The following NAAA variants were observed in gnomAD, a reference collection of about 807,000 sequenced individuals.
The protein encoded by NAAA is N-acylethanolamine acid amidase, also known as N-acylethanolamine-hydrolyzing acid amidase.
Under a neutral mutation model 44.8 loss-of-function variants are expected in NAAA, and 39 were observed. The observed-to-expected ratio is 0.87, with a 90% confidence interval of 0.67 to 1.14. The LOEUF (loss-of-function observed/expected upper bound fraction) is 1.14, where lower values mean the gene tolerates loss of function less well. Ranked by LOEUF, NAAA falls within the 50% of genes most tolerant of loss-of-function variation. NAAA has a pLI of 0.00. For synonymous variants in NAAA, 178 were observed against 191.3 expected, an observed-to-expected ratio of 0.93 and a Z score of 0.58; for missense variants, 460 against 467.8, an observed-to-expected ratio of 0.98 and a Z score of 0.15.
chr4:75,916,683 A>G (rs1217030612), intron 9 of NAAA: 1 of 150,762 alleles, frequency 6.6e-6, no homozygotes, highest in Non-Finnish European at 1.5e-5. Context: ...TAAAATTATG[A>G]GGGCTGTTCA....
At chr4:75,937,833 G>A (rs1355567994) in intron 2 of NAAA, among the ~76,000 whole-genome samples, 2 of 152,236 alleles carry the variant, frequency 1.3e-5, no homozygotes, top group African/African-American at 4.8e-5. Flanking sequence ...TCAGGTCAGG[G>A]AGGGGACTGG....
intron 5 of NAAA, among the ~76,000 whole-genome samples, chr4:75,923,331 T>A: frequency 6.6e-6 from 1 of 152,102 alleles, no homozygotes; most frequent in East Asian, 1.9e-4. Context: ...ATAGTGAGGG[T>A]AGAAGAGTCC....
intron 1 of NAAA, 83 bp from the exon 2 acceptor site, chr4:75,940,248 A>T (rs1728136861): frequency 8.2e-6 from 12 of 1,465,522 alleles, no homozygotes; most frequent in Non-Finnish European, 1.0e-5. Flanking sequence ...GCGGGGCTAC[A>T]TCCTTAGGGC....
chr4:75,931,097 G>T, intron 4 of NAAA, 117 bp downstream of exon 4: 1 of 724,048 alleles, frequency 1.4e-6, no homozygotes, highest in Non-Finnish European at 2.3e-6. Flanking sequence ...CCCCTAGGAT[G>T]GAAGTCCCTG....
intron 5 of NAAA, among the ~76,000 whole-genome samples, chr4:75,924,190 A>G (rs1302316158): frequency 6.6e-6 from 1 of 152,194 alleles, no homozygotes; most frequent in Non-Finnish European, 1.5e-5. Context: ...CAACAAATCT[A>G]AGGTATCACC....
chr4:75,936,580 CT>C (rs985720524), intron 2 of NAAA, among the ~76,000 whole-genome samples: 1 of 152,224 alleles, frequency 6.6e-6, no homozygotes, highest in Non-Finnish European at 1.5e-5. Context: ...GCTTTTTCCT[CT>C]GCATGGCAGC....
intron 9 of NAAA, chr4:75,917,634 T>G: frequency 8.2e-6 from 2 of 242,634 alleles, no homozygotes; most frequent in South Asian, 4.1e-5. Context: ...CCTGGTTGAT[T>G]TTTGTATTTT....
chr4:75,939,932 C>A, intron 2 of NAAA, 69 bp downstream of exon 2: 1 of 1,565,226 alleles, frequency 6.4e-7, no homozygotes, highest in Non-Finnish European at 8.7e-7. Context: ...AAATATGTCT[C>A]CTCCCGCTAG....
intron 3 of NAAA, chr4:75,935,847 G>C (rs1414787549): frequency 4.8e-5 from 26 of 544,540 alleles, no homozygotes; most frequent in Non-Finnish European, 6.7e-5. Context: ...ATAAGTGGAT[G>C]ATTGATCACT....
chr4:75,920,929 C>T, intron 6 of NAAA, 22 bp downstream of exon 6: 1 of 1,613,608 alleles, frequency 6.2e-7, no homozygotes, highest in Non-Finnish European at 8.5e-7. Flanking sequence ...ACAAAATGAC[C>T]AGAGCTTTCA....
rs910420211 is a variant in NAAA at position 75,913,670 on chromosome 4, AT to A, written c.*704del. On this transcript the variant is annotated 3_prime_UTR_variant, in exon 11 of 11. Coordinates refer to ENST00000286733, the MANE Select transcript of NAAA (RefSeq NM_014435.4). ...GAGCATAACGCTAAGTTTCTTGGAA[AT>A]TTTTTTATTCTCCTTGCCAACATTT... The A allele has an allele frequency of 3.1e-6, 3 of 980,868 alleles. No homozygotes were observed. Among genetic ancestry groups the A allele is most frequent in the African/African-American group, 1.8e-5 (1 of 57,048 alleles). The allele number at this position is 980,868 out of a possible 1,614,324, so 60.8% of individuals were successfully genotyped here. A position where few individuals can be genotyped will look rare whatever the true frequency, so the allele number is the denominator to read the frequency against.
chr4:75,926,626 T>C (rs372417224), intron 4 of NAAA, among the ~76,000 whole-genome samples: 3 of 138,074 alleles, frequency 2.2e-5, no homozygotes, highest in East Asian at 4.3e-4. Context: ...TGAGAGAAAA[T>C]ATTTGCATTA....
At chr4:75,911,517 AGGGG>A (rs1560494216), downstream of NAAA, among the ~76,000 whole-genome samples, 1 of 152,106 alleles carries the variant, frequency 6.6e-6, no homozygotes, top group African/African-American at 2.4e-5. Flanking sequence ...GGGCTAAGGA[AGGGG>A]GTTGCTGATT....
intron 2 of NAAA, 94 bp downstream of exon 2, chr4:75,939,907 T>G: frequency 6.8e-7 from 1 of 1,480,690 alleles, no homozygotes; most frequent in Non-Finnish European, 9.3e-7. Context: ...CACCGCCCTG[T>G]TTTTATCACA....
At position 75,913,839 on chromosome 4, in the gene NAAA, A is replaced by C. The variant is rs936219863; in HGVS notation, c.*536T>G. 13 of 985,238 alleles carry C rather than the reference A, an allele frequency of 1.3e-5. No individual in the cohort carries two copies. The African/African-American group carries it at 2.3e-4, about 17-fold the overall frequency. 61.0% of individuals were successfully genotyped at this position (985,238 alleles called of 1,614,324 possible). A position where few individuals can be genotyped will look rare whatever the true frequency, so the allele number is the denominator to read the frequency against. On this transcript the variant is annotated 3_prime_UTR_variant, in exon 11 of 11. Coordinates refer to ENST00000286733, the MANE Select transcript of NAAA (RefSeq NM_014435.4). ...ATAAAACGTTAGAAACATTATAAAA[A>C]ACGAGACTCCCATTACATGGAAACA...
In NAAA at chr4:75,913,906, G is replaced by T. The variant is rs1289244230; in HGVS notation, c.*469C>A. 9.1e-6 allele frequency: 9 copies of T among 985,286 alleles called. No individual in the cohort carries two copies. The highest frequency in any genetic ancestry group is 1.1e-5 in the Non-Finnish European group (9 of 829,936). The allele number at this position is 985,286 out of a possible 1,614,324, so 61.0% of individuals were successfully genotyped here. ...ACTAACACACATTCAAACAGGCTTG[G>T]TTCGAAATAGAGTTCTCCATTTCTT... On this transcript the variant is annotated 3_prime_UTR_variant, in exon 11 of 11. Transcript: ENST00000286733.
rs756431050 is a variant in NAAA at position 75,936,267 on chromosome 4, A to C, written c.372-32T>G. 8 of 1,575,532 alleles carry C rather than the reference A, an allele frequency of 5.1e-6. No homozygotes were observed. The East Asian group carries it at 1.6e-4, about 31-fold the overall frequency. On this transcript the variant is annotated intron_variant, in intron 2 of 10. Coordinates refer to ENST00000286733, the MANE Select transcript of NAAA (RefSeq NM_014435.4). ...AAAGGGAAAAGTCCAACATGAATGA[A>C]TAAGACAAATAAGAAAAAAAAGGAA...
At chr4:75,934,308 TATG>T in intron 3 of NAAA, among the ~76,000 whole-genome samples, 1 of 151,826 alleles carries the variant, frequency 6.6e-6, no homozygotes, top group East Asian at 1.9e-4. Context: ...AGGTCCTGTG[TATG>T]ATAATACTTT....
At chr4:75,925,173 T>C (rs977462416) in intron 5 of NAAA, among the ~76,000 whole-genome samples, 1 of 152,084 alleles carries the variant, frequency 6.6e-6, no homozygotes, top group African/African-American at 2.4e-5. Flanking sequence ...GTAGCTGGGA[T>C]TACAGGCACA....
Sources: allele counts gnomAD v4.1 joint callset (sites outside exome capture counted in the v4.1 genomes callset), GRCh38; gene constraint gnomAD v4.1.1; transcripts MANE v1.5; gene names NCBI Gene and HGNC (gene_info 2026-07-23, HGNC 2026-07-21).